MACROD1: variants seen among roughly 807,000 people sequenced by gnomAD.
MACROD1 encodes ADP-ribose glycohydrolase MACROD1.
In MACROD1, 31 loss-of-function variants were observed where a neutral mutation model predicts 41.4. The ratio of observed to expected loss-of-function variants is 0.75; its 90% CI spans 0.56 to 1.01. The LOEUF (loss-of-function observed/expected upper bound fraction) is 1.01, where lower values mean the gene tolerates loss of function less well. Ranked by LOEUF, MACROD1 falls within the 50% of genes least tolerant of loss-of-function variation. MACROD1 has a pLI of 0.00. For synonymous variants in MACROD1, 252 were observed against 203.4 expected, an observed-to-expected ratio of 1.24 and a Z score of -2.03; for missense variants, 473 against 460.0, an observed-to-expected ratio of 1.03 and a Z score of -0.26.
chr11:64,050,505 C>T (rs940811936), intron 3 of MACROD1, among the ~76,000 whole-genome samples: 4 of 152,186 alleles, frequency 2.6e-5, no homozygotes, highest in Non-Finnish European at 4.4e-5. Context: ...TGCTTCAGCC[C>T]CCATACCCTC....
chr11:64,099,773 T>C (rs955019678), intron 3 of MACROD1, among the ~76,000 whole-genome samples: 8 of 145,522 alleles, frequency 5.5e-5, no homozygotes, highest in East Asian at 2.1e-4. Flanking sequence ...GAGAGATGGA[T>C]AGGTGAATGG....
At chr11:64,059,916 G>A (rs1476438095) in intron 3 of MACROD1, among the ~76,000 whole-genome samples, 1 of 152,142 alleles carries the variant, frequency 6.6e-6, no homozygotes, top group Non-Finnish European at 1.5e-5. Context: ...GCTGGCAACC[G>A]CGACCTCCTG....
At chr11:64,039,758 C>T (rs1242377672) in intron 3 of MACROD1, among the ~76,000 whole-genome samples, 3 of 152,232 alleles carry the variant, frequency 2.0e-5, no homozygotes, top group East Asian at 1.9e-4. Context: ...CCGGGGCCAG[C>T]GGCTCTGCAG....
chr11:64,129,245 G>C (rs534332771), intron 3 of MACROD1, among the ~76,000 whole-genome samples: 1 of 152,348 alleles, frequency 6.6e-6, no homozygotes, highest in East Asian at 1.9e-4. Flanking sequence ...CCTGGGTATT[G>C]GGTTAGACCC....
chr11:64,079,572 G>C (rs558899049), intron 3 of MACROD1, among the ~76,000 whole-genome samples: 1 of 152,318 alleles, frequency 6.6e-6, no homozygotes, highest in South Asian at 2.1e-4. Flanking sequence ...CGGGCACAGA[G>C]AGGAGTCCAG....
intron 3 of MACROD1, among the ~76,000 whole-genome samples, chr11:64,089,207 G>A (rs1219647929): frequency 6.6e-6 from 1 of 152,214 alleles, no homozygotes; most frequent in Non-Finnish European, 1.5e-5. Context: ...GCTCTGCTGA[G>A]GGGCTGGCAT....
Position 64,001,138 on chromosome 11 carries a change from A to C in MACROD1, c.548-795T>G, listed in dbSNP as rs534316427. The C allele has an allele frequency of 3.0e-4, 127 of 428,660 alleles. 1 individual carries two copies. In the South Asian group the frequency reaches 4.1e-3, roughly 14 times the overall value. The allele number at this position is 428,660 out of a possible 1,614,324, so 26.6% of individuals were successfully genotyped here. Reference sequence around the variant, plus strand: ...AAACAACCGGGGCGCAGCGGGAGGCATGGAGGAAACGCTCCAGCAGCCCAA... The same window carrying C: ...AAACAACCGGGGCGCAGCGGGAGGCCTGGAGGAAACGCTCCAGCAGCCCAA... On this transcript the variant is annotated intron_variant, in intron 4 of 10. Coordinates refer to ENST00000255681, the MANE Select transcript of MACROD1 (RefSeq NM_014067.4).
chr11:64,165,557 G>T, intron 1 of MACROD1, 140 bp downstream of exon 1: 3 of 673,170 alleles, frequency 4.5e-6, no homozygotes, highest in Non-Finnish European at 6.7e-6. Context: ...GGGAGGAGGG[G>T]TCCGTTCCAG....
At chr11:64,147,497 C>A (rs1220630506) in intron 3 of MACROD1, among the ~76,000 whole-genome samples, 2 of 151,506 alleles carry the variant, frequency 1.3e-5, no homozygotes, top group Non-Finnish European at 2.9e-5. Context: ...TTCAAGCAAT[C>A]CTCCTGCCTC....
chr11:64,152,548 T>G (rs1468532370), intron 1 of MACROD1, among the ~76,000 whole-genome samples, 155 bp from the exon 2 acceptor site: 1 of 152,188 alleles, frequency 6.6e-6, no homozygotes, highest in Non-Finnish European at 1.5e-5. Flanking sequence ...TGGGGAAACC[T>G]CAGAGGCCCC....
intron 3 of MACROD1, among the ~76,000 whole-genome samples, chr11:64,140,039 C>A (rs1345190407): frequency 2.0e-5 from 3 of 152,166 alleles, no homozygotes; most frequent in Non-Finnish European, 2.9e-5. Flanking sequence ...GGTAAGCAGC[C>A]ACTGCCCTGG....
At chr11:64,115,667 G>A (rs544218804) in intron 3 of MACROD1, among the ~76,000 whole-genome samples, 5 of 152,244 alleles carry the variant, frequency 3.3e-5, no homozygotes, top group East Asian at 1.9e-4. Context: ...TTCTGGCGAC[G>A]CCCCCCTTTT....
intron 3 of MACROD1, among the ~76,000 whole-genome samples, chr11:64,145,051 C>T (rs1183769222): frequency 6.6e-6 from 1 of 152,188 alleles, no homozygotes; most frequent in African/African-American, 2.4e-5. Context: ...CTGGGCCCTC[C>T]AGGCGGCAGG....
chr11:64,047,897 CAAAA>C (rs35010371), intron 3 of MACROD1, among the ~76,000 whole-genome samples: 3 of 89,156 alleles, frequency 3.4e-5, no homozygotes, highest in Admixed American at 1.2e-4. Flanking sequence ...AACTCCGTCT[CAAAA>C]AAAAAAAAAA....
intron 3 of MACROD1, among the ~76,000 whole-genome samples, chr11:64,136,649 A>C (rs910675663): frequency 6.6e-6 from 1 of 152,204 alleles, no homozygotes; most frequent in Non-Finnish European, 1.5e-5. Context: ...CCCACCGGAG[A>C]GGGTCAGAGG....
At chr11:64,061,316 C>A (rs1943899510) in intron 3 of MACROD1, among the ~76,000 whole-genome samples, 1 of 152,204 alleles carries the variant, frequency 6.6e-6, no homozygotes, top group Non-Finnish European at 1.5e-5. Context: ...GTCTGCCCTT[C>A]CTTCACGCTG....
At chr11:64,149,469 C>T (rs1483522509) in intron 3 of MACROD1, among the ~76,000 whole-genome samples, 3 of 152,170 alleles carry the variant, frequency 2.0e-5, no homozygotes, top group South Asian at 2.1e-4. Context: ...CAAAACCTGG[C>T]GACTCCCAAG....
chr11:64,143,349 G>C (rs1472616857), intron 3 of MACROD1, among the ~76,000 whole-genome samples: 1 of 152,124 alleles, frequency 6.6e-6, no homozygotes, highest in Non-Finnish European at 1.5e-5. Flanking sequence ...TGTATAATGG[G>C]GGAAATGTCA....
chr11:63,999,749 CTG>C lies in MACROD1; in HGVS notation c.677_678del (p.Thr226SerfsTer51). On this transcript the variant is annotated frameshift_variant, in exon 6 of 11. Coordinates refer to ENST00000255681, the MANE Select transcript of MACROD1 (RefSeq NM_014067.4). LOFTEE classifies it high-confidence loss of function. ...GGCTCCCCGTAGGCGATGGGCCCCA[CTG>C]TGTGGATGACGTCTACGGGGGGCGA... ...YRLPAKYVIH[T>X]VGPIAYGEPS... The C allele has an allele frequency of 6.2e-7, 1 of 1,607,098 alleles. No individual in the cohort carries two copies. Among genetic ancestry groups the C allele is most frequent in the Middle Eastern group, 2.2e-4 (1 of 4,540 alleles).
Sources: allele counts gnomAD v4.1 joint callset (sites outside exome capture counted in the v4.1 genomes callset), GRCh38; gene constraint gnomAD v4.1.1; transcripts MANE v1.5; gene names NCBI Gene and HGNC (gene_info 2026-07-23, HGNC 2026-07-21).